BMAL1: variants seen among roughly 807,000 people sequenced by gnomAD.
BMAL1 encodes the protein basic helix-loop-helix ARNT-like protein 1.
At chr11:13,360,442 A>AT in the BMAL1 span, 1 of 1,602,168 alleles carries the variant, frequency 6.2e-7, no homozygotes, top group Non-Finnish European at 8.5e-7. Context: ...CAATTATGGG[A>AT]TTGTTTTACA....
At chr11:13,356,815 A>G in the BMAL1 span, 2 of 1,613,852 alleles carry the variant, frequency 1.2e-6, no homozygotes, top group East Asian at 2.2e-5. Flanking sequence ...CAGCATCCTT[A>G]TAGCCATTTT....
At chr11:13,368,374 C>T in the BMAL1 span, among the ~76,000 whole-genome samples, 2 of 152,162 alleles carry the variant, frequency 1.3e-5, no homozygotes, top group Non-Finnish European at 2.9e-5. Context: ...ACAATCTGTG[C>T]ACAGGTGCAG....
At chr11:13,381,197 C>T in the BMAL1 span, 1 of 1,614,146 alleles carries the variant, frequency 6.2e-7, no homozygotes, top group Non-Finnish European at 8.5e-7. Context: ...GTGGCTCCAG[C>T]CCATTGAACA....
the BMAL1 span, among the ~76,000 whole-genome samples, chr11:13,374,688 C>T: frequency 1.3e-5 from 2 of 152,104 alleles, no homozygotes; most frequent in African/African-American, 4.8e-5. Context: ...TGGTTCAGGC[C>T]CTCGTGCCTA....
chr11:13,309,851 A>C, the BMAL1 span: 1 of 152,568 alleles, frequency 6.6e-6, no homozygotes, highest in Non-Finnish European at 1.5e-5. Flanking sequence ...ACAGGGAAAA[A>C]CTGTCCAATG....
chr11:13,318,996 A>C, the BMAL1 span, among the ~76,000 whole-genome samples: 1 of 152,052 alleles, frequency 6.6e-6, no homozygotes, highest in Non-Finnish European at 1.5e-5. Context: ...TTTGCTTCTT[A>C]TACTCCTGGA....
the BMAL1 span, among the ~76,000 whole-genome samples, chr11:13,283,817 T>C: frequency 2.0e-5 from 3 of 152,102 alleles, no homozygotes; most frequent in African/African-American, 7.2e-5. Context: ...CTGTTATGCA[T>C]GGCTGTCTCT....
At chr11:13,321,598 C>T in the BMAL1 span, among the ~76,000 whole-genome samples, 8 of 152,086 alleles carry the variant, frequency 5.3e-5, no homozygotes, top group South Asian at 6.2e-4. Flanking sequence ...TGCCACGTGC[C>T]GGTCAGTTTG....
the BMAL1 span, among the ~76,000 whole-genome samples, chr11:13,333,230 G>A: frequency 3.4e-4 from 52 of 152,296 alleles, no homozygotes; most frequent in African/African-American, 1.2e-3. Flanking sequence ...GCCTCCCAAA[G>A]TGCTGGGATT....
the BMAL1 span, chr11:13,376,676 A>ACAGCTCACAGCAT: frequency 6.2e-7 from 1 of 1,614,084 alleles, no homozygotes; most frequent in Non-Finnish European, 8.5e-7. Flanking sequence ...CAACCTTCCC[A>ACAGCTCACAGCAT]CAGCTCACAG....
chr11:13,342,065 G>A, the BMAL1 span, among the ~76,000 whole-genome samples: 1 of 152,230 alleles, frequency 6.6e-6, no homozygotes, highest in Admixed American at 6.5e-5. Flanking sequence ...ACAAGGCCTG[G>A]ACCCTGCCTG....
chr11:13,299,980 A>G, the BMAL1 span, among the ~76,000 whole-genome samples: 3 of 152,338 alleles, frequency 2.0e-5, no homozygotes, highest in South Asian at 6.2e-4. Context: ...TCGCTCATCC[A>G]GAGATGGATT....
chr11:13,285,686 C>T, the BMAL1 span, among the ~76,000 whole-genome samples: 3 of 152,168 alleles, frequency 2.0e-5, no homozygotes, highest in African/African-American at 7.2e-5. Flanking sequence ...TGCTTGTGTA[C>T]AGATGTTTTC....
chr11:13,369,057 T>C, the BMAL1 span, among the ~76,000 whole-genome samples: 50 of 152,306 alleles, frequency 3.3e-4, no homozygotes, highest in South Asian at 9.5e-3. Flanking sequence ...GGCTAATGCA[T>C]TGGACAGCAC....
chr11:13,335,543 G>A, the BMAL1 span, among the ~76,000 whole-genome samples: 1 of 152,278 alleles, frequency 6.6e-6, no homozygotes, highest in South Asian at 2.1e-4. Context: ...TATAATGCTT[G>A]GGGAACAAAA....
the BMAL1 span, among the ~76,000 whole-genome samples, chr11:13,307,086 G>A: frequency 5.9e-5 from 9 of 152,206 alleles, no homozygotes; most frequent in Non-Finnish European, 1.3e-4. Flanking sequence ...AATCTAGGCC[G>A]GATCGTCTGC....
At chr11:13,353,943 G>T in the BMAL1 span, among the ~76,000 whole-genome samples, 1 of 152,198 alleles carries the variant, frequency 6.6e-6, no homozygotes, top group African/African-American at 2.4e-5. Context: ...CGTGGGAACT[G>T]CCCTGGGTTT....
the BMAL1 span, among the ~76,000 whole-genome samples, chr11:13,339,595 C>G: frequency 6.6e-6 from 1 of 152,164 alleles, no homozygotes; most frequent in Non-Finnish European, 1.5e-5. Context: ...GCACCCCTAC[C>G]TTCCTTAGCT....
At chr11:13,306,960 G>C in the BMAL1 span, among the ~76,000 whole-genome samples, 1 of 152,232 alleles carries the variant, frequency 6.6e-6, no homozygotes, top group Non-Finnish European at 1.5e-5. Flanking sequence ...CCCAGCGAAG[G>C]GGGAGAGCCT....
Sources: gnomAD v4.1 joint callset for allele counts (sites outside exome capture counted in the v4.1 genomes callset) on GRCh38, gnomAD v4.1.1 for gene constraint, MANE v1.5 for transcripts, NCBI Gene and HGNC (gene_info 2026-07-23, HGNC 2026-07-21) for gene names.